The following TAFA4 variants were observed in gnomAD, a reference collection of about 807,000 sequenced individuals.
TAFA4 encodes the protein chemokine-like protein TAFA-4.
A neutral mutation model predicts 21.1 loss-of-function variants in TAFA4; 20 were observed. That is an observed-to-expected ratio of 0.95 (90% confidence interval 0.67 to 1.38). The LOEUF (loss-of-function observed/expected upper bound fraction) is 1.38. Ranked by LOEUF, TAFA4 falls within the 40% of genes most tolerant of loss-of-function variation. The probability of loss-of-function intolerance (pLI) is 0.00; values close to 1 mark genes in which losing one functional copy is unlikely to be tolerated. For missense variants in TAFA4, 211 were observed against 180.9 expected, an observed-to-expected ratio of 1.17 and a Z score of -0.95; for synonymous variants, 71 against 67.4, an observed-to-expected ratio of 1.05 and a Z score of -0.26.
intron 1 of TAFA4, among the ~76,000 whole-genome samples, chr3:68,927,716 T>C (rs762009002): frequency 6.6e-6 from 1 of 151,870 alleles, no homozygotes; most frequent in African/African-American, 2.4e-5. Context: ...CTGGGGAACA[T>C]GCTGAGACTC....
intron 3 of TAFA4, among the ~76,000 whole-genome samples, chr3:68,829,246 A>G (rs912545043): frequency 2.0e-5 from 3 of 152,202 alleles, no homozygotes; most frequent in African/African-American, 4.8e-5. Context: ...ATAACACCAC[A>G]CATCCACAAC....
chr3:68,864,512 C>T (rs1455791895), intron 3 of TAFA4, among the ~76,000 whole-genome samples: 1 of 152,086 alleles, frequency 6.6e-6, no homozygotes, highest in Non-Finnish European at 1.5e-5. Context: ...CGCATCGGTA[C>T]ATCACTTTAA....
intron 2 of TAFA4, among the ~76,000 whole-genome samples, chr3:68,882,169 G>A (rs775454239): frequency 3.3e-5 from 5 of 152,092 alleles, no homozygotes; most frequent in Admixed American, 6.5e-5. Flanking sequence ...GGTTTTAAAC[G>A]GCTATGTTGG....
chr3:68,913,839 T>C (rs1055964759), intron 1 of TAFA4: 6 of 152,254 alleles, frequency 3.9e-5, no homozygotes, highest in Admixed American at 2.6e-4. Flanking sequence ...CTCATCATTC[T>C]ATACCTCAGT....
At chr3:68,788,770 C>A (rs1363210860) in intron 3 of TAFA4, among the ~76,000 whole-genome samples, 1 of 151,628 alleles carries the variant, frequency 6.6e-6, no homozygotes, top group Non-Finnish European at 1.5e-5. Flanking sequence ...CGCCACCATA[C>A]CTGGCTAAAT....
chr3:68,892,228 C>A (rs879930307), intron 1 of TAFA4, among the ~76,000 whole-genome samples: 1 of 152,100 alleles, frequency 6.6e-6, no homozygotes. Context: ...TCATAAATTG[C>A]TTTTTATTGC....
intron 3 of TAFA4, among the ~76,000 whole-genome samples, chr3:68,783,370 GCAGA>G (rs1233215097): frequency 2.0e-5 from 3 of 152,088 alleles, no homozygotes; most frequent in Non-Finnish European, 4.4e-5. Context: ...CAAAACAAAG[GCAGA>G]CAGTCTCAGA....
chr3:68,827,864 G>C (rs1704289076), intron 3 of TAFA4, among the ~76,000 whole-genome samples: 1 of 152,098 alleles, frequency 6.6e-6, no homozygotes, highest in African/African-American at 2.4e-5. Context: ...TTCTTTTCCT[G>C]TGCAGAAGCT....
At chr3:68,744,875 G>T (rs1209674023) in intron 4 of TAFA4, among the ~76,000 whole-genome samples, 1 of 152,172 alleles carries the variant, frequency 6.6e-6, no homozygotes, top group East Asian at 1.9e-4. Context: ...TCTAAAAACA[G>T]ATTTGCCTCA....
chr3:68,874,409 G>A (rs754790041), intron 3 of TAFA4, among the ~76,000 whole-genome samples: 7 of 152,016 alleles, frequency 4.6e-5, no homozygotes, highest in South Asian at 2.1e-4. Context: ...TTCCTGCCCC[G>A]TCTCTACCCC....
At chr3:68,923,425 T>G (rs1446448179) in intron 1 of TAFA4, among the ~76,000 whole-genome samples, 1 of 152,156 alleles carries the variant, frequency 6.6e-6, no homozygotes, top group Non-Finnish European at 1.5e-5. Flanking sequence ...AATGCAATCA[T>G]CAGTCAGATC....
chr3:68,743,301 C>T (rs1358857404), intron 4 of TAFA4, among the ~76,000 whole-genome samples: 1 of 152,106 alleles, frequency 6.6e-6, no homozygotes, highest in Non-Finnish European at 1.5e-5. Flanking sequence ...CTTGGCCAGG[C>T]ATGGTACCTC....
chr3:68,747,196 C>T (rs1702475071), intron 4 of TAFA4, among the ~76,000 whole-genome samples: 1 of 152,164 alleles, frequency 6.6e-6, no homozygotes, highest in African/African-American at 2.4e-5. Context: ...CTGCCCCTAC[C>T]ATGGGCAATT....
chr3:68,744,617 A>G (rs1399146504), intron 4 of TAFA4, among the ~76,000 whole-genome samples: 1 of 152,210 alleles, frequency 6.6e-6, no homozygotes, highest in African/African-American at 2.4e-5. Flanking sequence ...CCATGGGGAC[A>G]CAAGGTACTT....
chr3:68,804,001 T>C (rs1318278117), intron 3 of TAFA4, among the ~76,000 whole-genome samples: 3 of 151,942 alleles, frequency 2.0e-5, no homozygotes, highest in Non-Finnish European at 4.4e-5. Flanking sequence ...TTGGCTAGGC[T>C]GGTCTCGAAC....
chr3:68,868,292 T>C (rs757528135), intron 3 of TAFA4, among the ~76,000 whole-genome samples: 2 of 151,956 alleles, frequency 1.3e-5, no homozygotes, highest in Non-Finnish European at 2.9e-5. Flanking sequence ...AGCAAGAGGA[T>C]ATAACAACTG....
intron 3 of TAFA4, among the ~76,000 whole-genome samples, chr3:68,835,236 G>T (rs974074672): frequency 6.6e-6 from 1 of 152,114 alleles, no homozygotes; most frequent in African/African-American, 2.4e-5. Flanking sequence ...CACCCACCTT[G>T]CTCCCTCAAT....
chr3:68,777,149 TTC>T (rs1426068335), intron 3 of TAFA4, among the ~76,000 whole-genome samples: 5 of 152,132 alleles, frequency 3.3e-5, no homozygotes, highest in African/African-American at 9.7e-5. Context: ...GAAAGATTTT[TTC>T]TTATTTTTAA....
chr3:68,826,693 T>A (rs1042616228), intron 3 of TAFA4, among the ~76,000 whole-genome samples: 3 of 152,004 alleles, frequency 2.0e-5, no homozygotes, highest in Non-Finnish European at 2.9e-5. Context: ...CAGAAAGGAT[T>A]ATCTGGCAAG....
Sources: gnomAD v4.1 joint callset for allele counts (sites outside exome capture counted in the v4.1 genomes callset) on GRCh38, gnomAD v4.1.1 for gene constraint, MANE v1.5 for transcripts, NCBI Gene and HGNC (gene_info 2026-07-23, HGNC 2026-07-21) for gene names.